Variants in PPARG observed in about 807,000 individuals in gnomAD.
PPARG encodes peroxisome proliferator-activated receptor gamma.
Under a neutral mutation model 39.2 loss-of-function variants are expected in PPARG, and 17 were observed. The observed-to-expected ratio is 0.43, with a 90% CI of 0.30 to 0.65. The LOEUF (loss-of-function observed/expected upper bound fraction) is 0.65, where lower values mean the gene tolerates loss of function less well. PPARG is among the 30% of genes least tolerant of loss of function. The pLI is 0.13. For missense variants in PPARG, 406 were observed against 585.9 expected (o/e 0.69, Z 3.17); for synonymous variants, 223 against 215.7 (o/e 1.03, Z -0.30).
intron 1 of PPARG, among the ~76,000 whole-genome samples, chr3:12,311,107 T>A (rs11719187): frequency 0.25 from 37,910 of 151,504 alleles, 4,818 homozygotes; most frequent in East Asian, 0.32. Context: ...GTATTAAAAT[T>A]TTTTTTTTAT....
intron 1 of PPARG, among the ~76,000 whole-genome samples, chr3:12,306,761 A>G (rs966353058): frequency 6.6e-6 from 1 of 152,236 alleles, no homozygotes; most frequent in African/African-American, 2.4e-5. Context: ...GATAAATTAG[A>G]TCACCAAATC....
intron 6 of PPARG, among the ~76,000 whole-genome samples, chr3:12,412,699 C>T (rs573651588): frequency 6.6e-6 from 1 of 152,296 alleles, no homozygotes; most frequent in African/African-American, 2.4e-5. Flanking sequence ...GGGCCCTTCC[C>T]TTGTGCAGAA....
At chr3:12,292,884 G>C (rs563967366) in intron 1 of PPARG, among the ~76,000 whole-genome samples, 182 of 152,288 alleles carry the variant, frequency 1.2e-3, no homozygotes, top group African/African-American at 4.1e-3. Context: ...CACTGGACTG[G>C]CAAGCCACTC....
At chr3:12,407,147 T>A (rs2050700625) in intron 6 of PPARG, among the ~76,000 whole-genome samples, 1 of 152,054 alleles carries the variant, frequency 6.6e-6, no homozygotes, top group South Asian at 2.1e-4. Flanking sequence ...TCTCTGTACC[T>A]CAGTTTGTTG....
chr3:12,406,932 A>G (rs1456257480), intron 6 of PPARG: 3 of 152,352 alleles, frequency 2.0e-5, no homozygotes, highest in East Asian at 3.9e-4. Flanking sequence ...GGACTACTTC[A>G]GTGGACTCTC....
chr3:12,424,303 A>G (rs1401757268), intron 7 of PPARG, among the ~76,000 whole-genome samples: 1 of 152,184 alleles, frequency 6.6e-6, no homozygotes, highest in African/African-American at 2.4e-5. Context: ...AAAATATAGA[A>G]GCATCTTTAT....
At chr3:12,426,994 G>A (rs2051471648) in intron 7 of PPARG, among the ~76,000 whole-genome samples, 1 of 152,198 alleles carries the variant, frequency 6.6e-6, no homozygotes, top group Non-Finnish European at 1.5e-5. Context: ...AAGTGAATCA[G>A]AATCTCTAGG....
intron 2 of PPARG, among the ~76,000 whole-genome samples, chr3:12,349,830 A>G (rs1425755870): frequency 6.6e-6 from 1 of 152,208 alleles, no homozygotes; most frequent in South Asian, 2.1e-4. Flanking sequence ...ATGTAATCTT[A>G]TGTTTCAGAA....
chr3:12,417,906 T>TTTTTC (rs2051132194), intron 7 of PPARG, among the ~76,000 whole-genome samples: 1 of 131,552 alleles, frequency 7.6e-6, no homozygotes, highest in Non-Finnish European at 1.6e-5. Flanking sequence ...TTTTTCCTTT[T>TTTTTC]TTTTTTTTTT....
At chr3:12,433,238 G>A (rs562657827) in intron 7 of PPARG, among the ~76,000 whole-genome samples, 153 of 152,290 alleles carry the variant, frequency 1.0e-3, no homozygotes, top group African/African-American at 3.2e-3. Flanking sequence ...AGGAGCAGAA[G>A]TTGAAAAGGA....
intron 1 of PPARG, among the ~76,000 whole-genome samples, chr3:12,303,956 A>G (rs1020098677): frequency 2.6e-5 from 4 of 152,244 alleles, no homozygotes; most frequent in African/African-American, 9.6e-5. Flanking sequence ...GTCTGTTTCT[A>G]TTAGCACTTG....
At chr3:12,316,024 A>G (rs1014341255) in intron 2 of PPARG, among the ~76,000 whole-genome samples, 3 of 152,176 alleles carry the variant, frequency 2.0e-5, no homozygotes, top group African/African-American at 7.2e-5. Context: ...TTCTAGGCAA[A>G]ATGTCTGGGA....
chr3:12,379,704 A>G lies in PPARG; in HGVS notation c.-8A>G. 3 of 1,613,504 alleles carry G rather than the reference A, an allele frequency of 1.9e-6. No individual in the cohort carries two copies. The highest frequency in any genetic ancestry group is 2.5e-6 in the Non-Finnish European group (3 of 1,179,520). ...ACAGCTAGTCTATTTTTCCTTTCAG[A>G]AATGACCATGGTTGACACAGAGATG... On this transcript the variant is annotated splice_region_variant and 5_prime_UTR_variant, in exon 3 of 8. Transcript: ENST00000651735.
chr3:12,296,111 G>T (rs926887250), intron 1 of PPARG, among the ~76,000 whole-genome samples: 1 of 151,228 alleles, frequency 6.6e-6, no homozygotes, highest in African/African-American at 2.4e-5. Flanking sequence ...AATTAACTGG[G>T]CGTGGTGGCA....
intron 4 of PPARG, among the ~76,000 whole-genome samples, chr3:12,389,430 C>T (rs1175197494): frequency 6.6e-6 from 1 of 152,140 alleles, no homozygotes; most frequent in Non-Finnish European, 1.5e-5. Flanking sequence ...TGCGGTTAAA[C>T]TGCCGAATAC....
chr3:12,383,299 C>T lies in PPARG; in HGVS notation c.390+1808C>T, dbSNP rs560377845. 2.8e-4 allele frequency among the ~76,000 whole-genome samples: 43 copies of T among 152,308 alleles called. 1 individual carries two copies. The highest frequency in any genetic ancestry group is 6.8e-3 in the Middle Eastern group (2 of 294). Reference sequence around the variant, plus strand: ...TTTAAAACACTAAAACCCGTTCGTTCTGTAATTTAAACCAAGTTAAAATAT... The same window carrying T: ...TTTAAAACACTAAAACCCGTTCGTTTTGTAATTTAAACCAAGTTAAAATAT... On this transcript the variant is annotated intron_variant, in intron 4 of 7. Coordinates refer to ENST00000651735, the MANE Select transcript of PPARG (RefSeq NM_138711.6).
chr3:12,371,954 A>C, intron 2 of PPARG: 1 of 715,310 alleles, frequency 1.4e-6, no homozygotes, highest in Non-Finnish European at 2.6e-6. Flanking sequence ...GATCTGCATG[A>C]ATCAGTAAGG....
chr3:12,406,168 C>A, intron 6 of PPARG, 87 bp downstream of exon 6: 2 of 1,226,514 alleles, frequency 1.6e-6, no homozygotes, highest in Non-Finnish European at 2.4e-6. Context: ...TACTGCGCTA[C>A]AAATGCACAC....
chr3:12,418,769 T>C (rs2051162441), intron 7 of PPARG, among the ~76,000 whole-genome samples: 1 of 152,204 alleles, frequency 6.6e-6, no homozygotes, highest in Non-Finnish European at 1.5e-5. Context: ...TGGCTCAGAC[T>C]CTACACTCTC....
Sources: gnomAD v4.1 joint callset for allele counts (sites outside exome capture counted in the v4.1 genomes callset) on GRCh38, gnomAD v4.1.1 for gene constraint, MANE v1.5 for transcripts, NCBI Gene and HGNC (gene_info 2026-07-23, HGNC 2026-07-21) for gene names.